Variants in POMT2 observed in about 807,000 individuals in gnomAD.
POMT2 encodes protein O-mannosyltransferase 2, also known as protein O-mannosyl-transferase 2.
In POMT2, 75 loss-of-function variants were observed where a neutral mutation model predicts 100.0. The observed-to-expected ratio is 0.75, with a 90% CI of 0.62 to 0.91. The LOEUF is 0.91. Among genes scored for constraint, POMT2 ranks in the 40% least tolerant of loss-of-function variants. The pLI, the probability that POMT2 is intolerant of heterozygous loss-of-function variation, is 0.00. For missense variants in POMT2, 940 were observed against 955.1 expected (o/e 0.98, Z 0.21); for synonymous variants, 378 against 374.1 (o/e 1.01, Z -0.12).
chr14:77,289,113 G>A (rs1001966281), intron 10 of POMT2, among the ~76,000 whole-genome samples: 13 of 151,820 alleles, frequency 8.6e-5, no homozygotes, highest in East Asian at 3.9e-4. Flanking sequence ...ACTTCTGGCC[G>A]GGCACAGTGG....
intron 5 of POMT2, among the ~76,000 whole-genome samples, chr14:77,302,440 T>C (rs1891075711): frequency 6.6e-6 from 1 of 151,948 alleles, no homozygotes. Flanking sequence ...TAGGACAGAG[T>C]ATGTGAAGGA....
At chr14:77,310,574 T>C (rs1474522521) in intron 2 of POMT2, among the ~76,000 whole-genome samples, 1 of 152,150 alleles carries the variant, frequency 6.6e-6, no homozygotes, top group African/African-American at 2.4e-5. Flanking sequence ...CTCCACGCTG[T>C]AGGGCCCCCT....
intron 9 of POMT2, among the ~76,000 whole-genome samples, chr14:77,292,215 T>G (rs1890666860): frequency 6.6e-6 from 1 of 152,168 alleles, no homozygotes; most frequent in Non-Finnish European, 1.5e-5. Context: ...AGAAAAATAG[T>G]TAACATGATA....
At chr14:77,317,144 C>A (rs569285751) in intron 1 of POMT2, among the ~76,000 whole-genome samples, 1 of 152,350 alleles carries the variant, frequency 6.6e-6, no homozygotes, top group South Asian at 2.1e-4. Flanking sequence ...GCCACCACTG[C>A]GTGCCAGACT....
At position 77,286,760 on chromosome 14, in the gene POMT2, A is replaced by G. The variant is rs1394668166; in HGVS notation, c.1316T>C (p.Val439Ala). The change falls in exon 12 of 21, where the codon GTC becomes GCC. Residue 439 changes from valine to alanine, a missense_variant. Physicochemically the swap from Val to Ala is moderately conservative, Grantham distance 64. Transcript: ENST00000261534. Reference sequence around the variant, plus strand: ...CTTACTTACTATGCCATAGCCGGTGACCTGATAGTGCTTCCGGGTCATGGG... The same window carrying G: ...CTTACTTACTATGCCATAGCCGGTGGCCTGATAGTGCTTCCGGGTCATGGG... ...EAPMTRKHYQVTGYGINGTGD... is the reference protein window; with the variant it reads ...EAPMTRKHYQATGYGINGTGD... The G allele has an allele frequency of 6.2e-7, 1 of 1,614,144 alleles. No homozygotes were observed. Among genetic ancestry groups the G allele is most frequent in the East Asian group, 2.2e-5 (1 of 44,878 alleles).
intron 1 of POMT2, among the ~76,000 whole-genome samples, chr14:77,315,882 G>C (rs765429073): frequency 1.3e-5 from 2 of 152,182 alleles, no homozygotes; most frequent in Non-Finnish European, 2.9e-5. Flanking sequence ...GCGTGATAGG[G>C]GCGCCTGTAA....
chr14:77,312,040 G>A lies in POMT2; in HGVS notation c.249-7C>T. Reference sequence around the variant, plus strand: ...AAAGTGAGTCTCATCCCAACTAAAGGAAACACAGAAAGAGAAACAAGAATT... The same window carrying A: ...AAAGTGAGTCTCATCCCAACTAAAGAAAACACAGAAAGAGAAACAAGAATT... On this transcript the variant is annotated splice_polypyrimidine_tract_variant and splice_region_variant and intron_variant, in intron 1 of 20. Coordinates refer to ENST00000261534, the MANE Select transcript of POMT2 (RefSeq NM_013382.7). The A allele has an allele frequency of 1.2e-6, 2 of 1,613,452 alleles. No individual in the cohort carries two copies. Among genetic ancestry groups the A allele is most frequent in the East Asian group, 2.2e-5 (1 of 44,864 alleles).
At chr14:77,291,223 C>G (rs961039982) in intron 10 of POMT2, 91 bp downstream of exon 10, 3 of 1,280,996 alleles carry the variant, frequency 2.3e-6, no homozygotes, top group African/African-American at 2.9e-5. Flanking sequence ...CAAAGCCCAT[C>G]TCAGGATCAT....
chr14:77,290,275 C>T lies in POMT2; in HGVS notation c.1183+1039G>A, dbSNP rs1890587613. On this transcript the variant is annotated intron_variant, in intron 10 of 20. Coordinates refer to ENST00000261534, the MANE Select transcript of POMT2 (RefSeq NM_013382.7). The stretch of plus-strand genomic sequence containing the variant: ...GACGGAAGTAAAACTGGTCTTCCCT[C>T]GTAACTCCTCACTGTGATAGAACAC... 4.6e-5 allele frequency among the ~76,000 whole-genome samples: 7 copies of T among 152,184 alleles called. No homozygotes were observed. In the South Asian group the frequency reaches 1.4e-3, roughly 31 times the overall value.
chr14:77,310,037 A>C (rs1041999888), intron 2 of POMT2, among the ~76,000 whole-genome samples: 3 of 152,238 alleles, frequency 2.0e-5, no homozygotes, highest in Non-Finnish European at 4.4e-5. Context: ...CAGTGCGCTG[A>C]GAACCAGGAA....
intron 15 of POMT2, among the ~76,000 whole-genome samples, chr14:77,281,031 T>C (rs915019023): frequency 7.9e-5 from 12 of 151,308 alleles, no homozygotes; most frequent in African/African-American, 2.7e-4. Context: ...GAGGCGGAGG[T>C]TGCAGTGAGC....
At chr14:77,314,324 C>T (rs1005986232) in intron 1 of POMT2, among the ~76,000 whole-genome samples, 1 of 152,202 alleles carries the variant, frequency 6.6e-6, no homozygotes, top group Admixed American at 6.5e-5. Context: ...CTCAGCACCA[C>T]GTGGGACTTA....
At chr14:77,307,320 T>C (rs1299561086) in intron 2 of POMT2, among the ~76,000 whole-genome samples, 1 of 152,218 alleles carries the variant, frequency 6.6e-6, no homozygotes, top group Non-Finnish European at 1.5e-5. Flanking sequence ...CAGCCACACT[T>C]GTGGGACATG....
intron 10 of POMT2, among the ~76,000 whole-genome samples, chr14:77,290,683 C>A (rs1890606101): frequency 6.6e-6 from 1 of 152,228 alleles, no homozygotes; most frequent in African/African-American, 2.4e-5. Context: ...AAAGGAAGAT[C>A]TGGCTCTAGC....
chr14:77,316,988 G>C (rs566495604), intron 1 of POMT2, among the ~76,000 whole-genome samples: 2 of 152,182 alleles, frequency 1.3e-5, no homozygotes, highest in Admixed American at 1.3e-4. Context: ...AGGTACTCTC[G>C]TAAGACTGAC....
intron 15 of POMT2, among the ~76,000 whole-genome samples, chr14:77,283,390 C>T (rs1030240362): frequency 2.6e-5 from 4 of 152,224 alleles, no homozygotes; most frequent in African/African-American, 9.6e-5. Context: ...CTAGCAGTAA[C>T]TCTAAAAGCC....
At chr14:77,282,081 G>A (rs562740904) in intron 15 of POMT2, among the ~76,000 whole-genome samples, 1 of 152,322 alleles carries the variant, frequency 6.6e-6, no homozygotes, top group Admixed American at 6.5e-5. Context: ...ACCTGGGAAT[G>A]AGGAATGAAT....
At position 77,276,618 on chromosome 14, in the gene POMT2, C is replaced by G. The variant is rs371632843; in HGVS notation, c.*758G>C. ...GCCCAGGATAGGACATCGTTCCTCCCGAGTGTCACAGTGTGACAATCCCAA... is the reference window on the plus strand; with the variant it reads ...GCCCAGGATAGGACATCGTTCCTCCGGAGTGTCACAGTGTGACAATCCCAA... On this transcript the variant is annotated 3_prime_UTR_variant, in exon 21 of 21. Coordinates refer to ENST00000261534, the MANE Select transcript of POMT2 (RefSeq NM_013382.7). 6.6e-6 allele frequency: 1 copy of G among 152,582 alleles called. No individual in the cohort carries two copies. The highest frequency in any genetic ancestry group is 1.5e-5 in the Non-Finnish European group (1 of 68,366). 9.5% of individuals were successfully genotyped at this position (152,582 alleles called of 1,614,324 possible).
Position 77,291,325 on chromosome 14 carries a change from TTATG to T in POMT2, c.1168_1171del (p.His390ThrfsTer7). 6.2e-6 allele frequency: 10 copies of T among 1,600,284 alleles called. No homozygotes were observed. The highest frequency in any genetic ancestry group is 8.5e-6 in the Non-Finnish European group (10 of 1,175,308). ...TCTGACCACATTACCTGAGTTTGTGTTATGTTTCTTGATAATCCACAGGTTGTTG... is the reference window on the plus strand; with the variant it reads ...TCTGACCACATTACCTGAGTTTGTGTTTTCTTGATAATCCACAGGTTGTTG... On this transcript the variant is annotated frameshift_variant, in exon 10 of 21. Coordinates refer to ENST00000261534, the MANE Select transcript of POMT2 (RefSeq NM_013382.7). LOFTEE classifies it high-confidence loss of function.
Sources: allele counts gnomAD v4.1 joint callset (sites outside exome capture counted in the v4.1 genomes callset), GRCh38; gene constraint gnomAD v4.1.1; transcripts MANE v1.5; gene names NCBI Gene and HGNC (gene_info 2026-07-23, HGNC 2026-07-21).